The following RNF38 variants were observed in gnomAD, a reference collection of about 807,000 sequenced individuals.
RNF38 encodes the protein ring finger protein 38, also known as E3 ubiquitin-protein ligase RNF38.
In RNF38, 15 loss-of-function variants were observed where a neutral mutation model predicts 67.2. That is an observed-to-expected ratio of 0.22 (90% confidence interval 0.15 to 0.34). RNF38 has a LOEUF of 0.34. RNF38 is among the 10% of genes least tolerant of loss of function. The pLI is 1.00. For synonymous variants in RNF38, 220 were observed against 218.8 expected (o/e 1.01, Z -0.05); for missense variants, 524 against 639.9 (o/e 0.82, Z 1.95).
At chr9:36,384,316 G>A (rs114626221) in intron 2 of RNF38, among the ~76,000 whole-genome samples, 58 of 152,308 alleles carry the variant, frequency 3.8e-4, no homozygotes, top group African/African-American at 1.3e-3. Flanking sequence ...GAGATACCCC[G>A]CCTGGAGGTG....
intron 1 of RNF38, among the ~76,000 whole-genome samples, chr9:36,460,885 C>CAAAA (rs752827635): frequency 1.2e-3 from 64 of 52,026 alleles, no homozygotes; most frequent in Admixed American, 2.1e-3. Flanking sequence ...GAAACTCTCT[C>CAAAA]AAAAAAAAAA....
At chr9:36,458,362 G>T (rs575172529) in intron 1 of RNF38, among the ~76,000 whole-genome samples, 1 of 152,132 alleles carries the variant, frequency 6.6e-6, no homozygotes. Flanking sequence ...CTGGCCACCC[G>T]AGCCAGCAGC....
At chr9:36,474,840 G>A (rs960162743) in intron 1 of RNF38, among the ~76,000 whole-genome samples, 2 of 147,822 alleles carry the variant, frequency 1.4e-5, no homozygotes, top group Non-Finnish European at 3.0e-5. Context: ...AAGGAACAGA[G>A]GTAGAAAAAT....
At chr9:36,481,463 C>T (rs1479909948) in intron 1 of RNF38, among the ~76,000 whole-genome samples, 1 of 152,174 alleles carries the variant, frequency 6.6e-6, no homozygotes, top group Admixed American at 6.5e-5. Context: ...AGGAAAAAAA[C>T]TGAAACCAGT....
rs764416843 is a variant in RNF38, at chr9:36,356,391, A to C, written c.821T>G (p.Ile274Arg). The change falls in exon 6 of 12, where the codon ATA becomes AGA. Residue 274 changes from isoleucine (I) to arginine (R), a missense_variant. Physicochemically the swap from Ile to Arg is moderately conservative, Grantham distance 97 (BLOSUM62 -3). Around this residue, in one of 2 missense-constraint regions of RNF38, gnomAD observed 461 missense variants for 517.4 expected, o/e 0.89. Transcript: ENST00000259605. ...PPLISSDPFLIHPPHLSPHHP... is the reference protein window; with the variant it reads ...PPLISSDPFLRHPPHLSPHHP... ...ATGGGGAGAAAGGTGAGGAGGATGTATAAGAAATGGATCACTAGAAATAAG... is the reference window on the plus strand; with the variant it reads ...ATGGGGAGAAAGGTGAGGAGGATGTCTAAGAAATGGATCACTAGAAATAAG... 8.7e-6 allele frequency: 14 copies of C among 1,614,050 alleles called. No homozygotes were observed. The highest frequency in any genetic ancestry group is 1.2e-5 in the Non-Finnish European group (14 of 1,179,950).
chr9:36,367,656 G>A (rs557841204), intron 4 of RNF38, among the ~76,000 whole-genome samples: 1 of 151,916 alleles, frequency 6.6e-6, no homozygotes, highest in Admixed American at 6.5e-5. Flanking sequence ...ACTAGCTATG[G>A]TTTATTATTT....
chr9:36,344,583 G>C (rs753866307), intron 10 of RNF38, among the ~76,000 whole-genome samples: 1 of 152,150 alleles, frequency 6.6e-6, no homozygotes, highest in African/African-American at 2.4e-5. Context: ...CAACACAGCA[G>C]CTATTAGCTA....
At chr9:36,454,863 C>G (rs1357682574) in intron 1 of RNF38, among the ~76,000 whole-genome samples, 1 of 152,074 alleles carries the variant, frequency 6.6e-6, no homozygotes, top group Non-Finnish European at 1.5e-5. Context: ...GGGTTAAAGG[C>G]GTGAGCCACT....
intron 1 of RNF38, among the ~76,000 whole-genome samples, chr9:36,393,764 A>G (rs7871184): frequency 1.6e-3 from 241 of 152,274 alleles, no homozygotes; most frequent in African/African-American, 5.7e-3. Flanking sequence ...AATCAGAGAA[A>G]GCAGAACTGA....
intron 1 of RNF38, among the ~76,000 whole-genome samples, chr9:36,427,612 C>T (rs1259563011): frequency 6.6e-6 from 1 of 152,064 alleles, no homozygotes; most frequent in Non-Finnish European, 1.5e-5. Flanking sequence ...GGAAGCAGGC[C>T]CTCGCCATAA....
chr9:36,410,681 GTC>G, intron 2 of RNF38, among the ~76,000 whole-genome samples: 1 of 152,302 alleles, frequency 6.6e-6, no homozygotes, highest in East Asian at 1.9e-4. Flanking sequence ...ACCAGTTTTT[GTC>G]TCTATCTCTT....
At chr9:36,438,741 A>T (rs948343429) in intron 1 of RNF38, among the ~76,000 whole-genome samples, 1 of 152,230 alleles carries the variant, frequency 6.6e-6, no homozygotes, top group Non-Finnish European at 1.5e-5. Context: ...CCTGAAAGAA[A>T]GAATCTCCTC....
At chr9:36,471,293 T>C (rs1839992753) in intron 1 of RNF38, among the ~76,000 whole-genome samples, 1 of 152,244 alleles carries the variant, frequency 6.6e-6, no homozygotes, top group Admixed American at 6.5e-5. Flanking sequence ...TTAATAACTT[T>C]TCTTCCATAG....
chr9:36,420,317 G>A (rs913886277), intron 2 of RNF38, among the ~76,000 whole-genome samples: 2 of 151,980 alleles, frequency 1.3e-5, no homozygotes, highest in African/African-American at 4.8e-5. Context: ...TGGGTCACGA[G>A]GTCAGGAGAT....
chr9:36,473,619 GTGTACCACTCTGA>G (rs561569484), intron 1 of RNF38, among the ~76,000 whole-genome samples: 36 of 151,912 alleles, frequency 2.4e-4, no homozygotes, highest in Non-Finnish European at 4.6e-4. Flanking sequence ...AAATAAATAA[GTGTACCACTCTGA>G]TGTACCACTC....
chr9:36,455,864 C>A, intron 1 of RNF38, among the ~76,000 whole-genome samples: 1 of 150,544 alleles, frequency 6.6e-6, no homozygotes, highest in African/African-American at 2.5e-5. Context: ...TGAGCCGAGA[C>A]CACACCACTG....
At position 36,400,248 on chromosome 9, in the gene RNF38, A is replaced by C; in HGVS notation, c.-140T>G. 7.2e-7 allele frequency: 1 copy of C among 1,385,966 alleles called. No individual in the cohort carries two copies. The highest frequency in any genetic ancestry group is 9.4e-7 in the Non-Finnish European group (1 of 1,065,010). 85.9% of individuals were successfully genotyped at this position (1,385,966 alleles called of 1,614,324 possible). A position where few individuals can be genotyped will look rare whatever the true frequency, so the allele number is the denominator to read the frequency against. ...TGAGAACAAAACGCAGCCTATCCAG[A>C]AACCCACGGAAGCAGAAGGACGCCA... is the stretch of plus-strand genomic sequence containing the variant. On this transcript the variant is annotated 5_prime_UTR_variant, in exon 1 of 12. Transcript: ENST00000259605.
chr9:36,439,936 T>A (rs1416794980), intron 1 of RNF38, among the ~76,000 whole-genome samples: 1 of 152,116 alleles, frequency 6.6e-6, no homozygotes, highest in South Asian at 2.1e-4. Flanking sequence ...CTATTTATTA[T>A]ACAGCCTGCC....
intron 2 of RNF38, among the ~76,000 whole-genome samples, chr9:36,379,120 G>A (rs1050396973): frequency 6.6e-6 from 1 of 152,076 alleles, no homozygotes; most frequent in Non-Finnish European, 1.5e-5. Context: ...GGATGGTCTC[G>A]AACTCTCGAC....
Sources: gnomAD v4.1 joint callset for allele counts (sites outside exome capture counted in the v4.1 genomes callset) on GRCh38, gnomAD v4.1.1 for gene constraint, gnomAD v4.1.1 regional missense constraint, MANE v1.5 for transcripts, NCBI Gene and HGNC (gene_info 2026-07-23, HGNC 2026-07-21) for gene names.